Variants in EPHA6 observed in about 807,000 individuals in gnomAD.
EPHA6 encodes EPH receptor A6, also known as ephrin type-A receptor 6.
Under a neutral mutation model 112.0 loss-of-function variants are expected in EPHA6, and 50 were observed. The ratio of observed to expected loss-of-function variants is 0.45; its 90% confidence interval spans 0.36 to 0.56. EPHA6 has a LOEUF of 0.56. EPHA6 is among the 20% of genes least tolerant of loss of function. The probability of loss-of-function intolerance (pLI) is 0.00; values close to 1 mark genes in which losing one functional copy is unlikely to be tolerated. For synonymous variants in EPHA6, 529 were observed against 490.7 expected (o/e 1.08, Z -1.03); for missense variants, 1,280 against 1,417.4 (o/e 0.90, Z 1.56).
intron 11 of EPHA6, among the ~76,000 whole-genome samples, chr3:97,562,701 C>T (rs1294805045): frequency 6.6e-6 from 1 of 152,104 alleles, no homozygotes; most frequent in Non-Finnish European, 1.5e-5. Flanking sequence ...GTTCTTGTTG[C>T]TGTGGGTAAA....
chr3:96,851,572 C>A (rs1228352842), intron 1 of EPHA6, among the ~76,000 whole-genome samples: 2 of 152,082 alleles, frequency 1.3e-5, no homozygotes, highest in African/African-American at 4.8e-5. Flanking sequence ...TCAATAGTTA[C>A]AATAAAGTCA....
intron 2 of EPHA6, among the ~76,000 whole-genome samples, chr3:96,983,932 G>A (rs1487590002): frequency 6.6e-6 from 1 of 152,092 alleles, no homozygotes; most frequent in African/African-American, 2.4e-5. Flanking sequence ...CTCTGCACTG[G>A]TTATTCTAGT....
intron 5 of EPHA6, among the ~76,000 whole-genome samples, chr3:97,376,468 A>T (rs1249745793): frequency 6.6e-6 from 1 of 152,232 alleles, no homozygotes; most frequent in Non-Finnish European, 1.5e-5. Context: ...ATGCACAGGA[A>T]TACAGTCTAT....
At chr3:97,504,525 A>T (rs2092197971) in intron 10 of EPHA6, among the ~76,000 whole-genome samples, 1 of 152,126 alleles carries the variant, frequency 6.6e-6, no homozygotes, top group South Asian at 2.1e-4. Flanking sequence ...CTTACTGTAT[A>T]TGTGTCAGGG....
intron 5 of EPHA6, among the ~76,000 whole-genome samples, chr3:97,340,532 C>T (rs2083255451): frequency 6.6e-6 from 1 of 152,138 alleles, no homozygotes; most frequent in South Asian, 2.1e-4. Context: ...ATAGCCAAGT[C>T]CAAAGCTGAG....
At chr3:97,113,787 T>C (rs2047798710) in intron 3 of EPHA6, among the ~76,000 whole-genome samples, 1 of 152,224 alleles carries the variant, frequency 6.6e-6, no homozygotes. Flanking sequence ...ATGTAAAGAG[T>C]TCTTTCAAAA....
At chr3:97,680,485 A>G (rs2031773198) in intron 14 of EPHA6, among the ~76,000 whole-genome samples, 1 of 152,148 alleles carries the variant, frequency 6.6e-6, no homozygotes. Context: ...TTTCTCTACT[A>G]TTTGCAATAT....
chr3:97,446,029 G>A (rs1214266373), intron 6 of EPHA6, among the ~76,000 whole-genome samples: 1 of 152,140 alleles, frequency 6.6e-6, no homozygotes, highest in Non-Finnish European at 1.5e-5. Context: ...AAGCCTGGTC[G>A]CTACCTGGTG....
intron 3 of EPHA6, among the ~76,000 whole-genome samples, chr3:97,119,671 A>T (rs1244118709): frequency 6.6e-6 from 1 of 152,072 alleles, no homozygotes; most frequent in Admixed American, 6.6e-5. Flanking sequence ...GGAAGTATTA[A>T]TAGCTTTGTT....
At chr3:97,171,947 A>G (rs2076714546) in intron 3 of EPHA6, among the ~76,000 whole-genome samples, 1 of 152,146 alleles carries the variant, frequency 6.6e-6, no homozygotes, top group Non-Finnish European at 1.5e-5. Context: ...CAAAGCAGCA[A>G]TATCAAGAAG....
chr3:97,056,547 G>T (rs1048571456), intron 3 of EPHA6, among the ~76,000 whole-genome samples: 2 of 152,106 alleles, frequency 1.3e-5, no homozygotes, highest in Non-Finnish European at 2.9e-5. Context: ...TTGGCTCTTG[G>T]CCTCATGTAC....
At chr3:97,130,987 T>C (rs563481176) in intron 3 of EPHA6, among the ~76,000 whole-genome samples, 1 of 152,232 alleles carries the variant, frequency 6.6e-6, no homozygotes, top group African/African-American at 2.4e-5. Context: ...TCTTTAATCA[T>C]TCAGCAGTTA....
intron 5 of EPHA6, among the ~76,000 whole-genome samples, chr3:97,251,271 C>T (rs1483391533): frequency 6.6e-6 from 1 of 152,086 alleles, no homozygotes; most frequent in African/African-American, 2.4e-5. Context: ...TGGCTCACGC[C>T]TGTAATCTCA....
At chr3:96,964,554 C>T (rs557228570) in intron 2 of EPHA6, among the ~76,000 whole-genome samples, 7 of 151,934 alleles carry the variant, frequency 4.6e-5, no homozygotes, top group African/African-American at 1.5e-4. Context: ...TTCATCATCT[C>T]TTTGTTATAC....
intron 3 of EPHA6, among the ~76,000 whole-genome samples, chr3:97,065,412 TAG>T (rs2046146823): frequency 6.6e-6 from 1 of 152,146 alleles, no homozygotes; most frequent in Non-Finnish European, 1.5e-5. Flanking sequence ...GATAAAATAT[TAG>T]ATGCCTTTTA....
intron 2 of EPHA6, among the ~76,000 whole-genome samples, chr3:96,888,550 C>T (rs1487611500): frequency 6.6e-6 from 1 of 152,148 alleles, no homozygotes; most frequent in Non-Finnish European, 1.5e-5. Context: ...TGCCAAGGCT[C>T]GGTGCTTGCA....
chr3:97,091,265 C>A (rs1299494683), intron 3 of EPHA6, among the ~76,000 whole-genome samples: 1 of 152,096 alleles, frequency 6.6e-6, no homozygotes, highest in Non-Finnish European at 1.5e-5. Context: ...TTGCCATTTT[C>A]TATGCCATTA....
At chr3:96,943,308 A>G (rs930869729) in intron 2 of EPHA6, among the ~76,000 whole-genome samples, 1 of 152,168 alleles carries the variant, frequency 6.6e-6, no homozygotes, top group African/African-American at 2.4e-5. Flanking sequence ...AGAAATGATA[A>G]ATTTTTGAAG....
intron 3 of EPHA6, among the ~76,000 whole-genome samples, chr3:97,167,756 A>G (rs2076577626): frequency 6.6e-6 from 1 of 152,058 alleles, no homozygotes; most frequent in Non-Finnish European, 1.5e-5. Context: ...ATTTTTATAT[A>G]GCGTATTTAA....
Sources: gnomAD v4.1 joint callset for allele counts (sites outside exome capture counted in the v4.1 genomes callset) on GRCh38, gnomAD v4.1.1 for gene constraint, MANE v1.5 for transcripts, NCBI Gene and HGNC (gene_info 2026-07-23, HGNC 2026-07-21) for gene names.